Variants in CASK observed in about 807,000 individuals in gnomAD.
CASK encodes calcium/calmodulin dependent serine protein kinase.
A neutral mutation model predicts 82.9 loss-of-function variants in CASK; 4 were observed. That is an observed-to-expected ratio of 0.05 (90% CI 0.02 to 0.11). The LOEUF is 0.11. Among genes scored for constraint, CASK ranks in the 10% least tolerant of loss-of-function variants. CASK has a pLI of 1.00. For synonymous variants in CASK, 259 were observed against 253.5 expected, an observed-to-expected ratio of 1.02 and a Z score of -0.20; for missense variants, 358 against 720.9, an observed-to-expected ratio of 0.50 and a Z score of 5.76.
At chrX:41,637,541 G>T (rs1349046971) in intron 8 of CASK, among the ~76,000 whole-genome samples, 2 of 103,790 alleles carry the variant, frequency 1.9e-5, no homozygotes, top group Non-Finnish European at 4.0e-5. Flanking sequence ...GATTGTTGGA[G>T]CCTGGGAGGT....
intron 5 of CASK, among the ~76,000 whole-genome samples, chrX:41,692,656 T>A (rs1009892693): frequency 8.9e-6 from 1 of 112,495 alleles, no homozygotes. Flanking sequence ...CTTGCTTCTT[T>A]GACATGATTT....
intron 1 of CASK, among the ~76,000 whole-genome samples, chrX:41,890,218 G>A (rs1429964945): frequency 4.3e-5 from 1 of 23,324 alleles, no homozygotes; most frequent in African/African-American, 2.8e-4. Context: ...ATGTGCATGC[G>A]TGTGTGTGTG....
At chrX:41,704,913 C>T (rs1391573815) in intron 5 of CASK, among the ~76,000 whole-genome samples, 2 of 111,372 alleles carry the variant, frequency 1.8e-5, no homozygotes, top group Non-Finnish European at 3.8e-5. Context: ...GTTAGGAGGA[C>T]TCAATGAGTA....
At chrX:41,872,167 GC>G (rs1197802028) in intron 1 of CASK, among the ~76,000 whole-genome samples, 1 of 112,720 alleles carries the variant, frequency 8.9e-6, no homozygotes, top group Non-Finnish European at 1.9e-5. Flanking sequence ...AAACGGTATG[GC>G]CTGCAAAGAT....
chrX:41,671,183 T>C (rs1393773090), intron 6 of CASK, among the ~76,000 whole-genome samples: 2 of 112,319 alleles, frequency 1.8e-5, no homozygotes, highest in African/African-American at 3.2e-5. Flanking sequence ...TGTTTTAATC[T>C]TGTACAGTCT....
At chrX:41,710,081 T>TTGTGTGTGTGTG (rs57963407) in intron 5 of CASK, among the ~76,000 whole-genome samples, 3,877 of 72,076 alleles carry the variant, frequency 0.054, 147 homozygotes, top group Non-Finnish European at 0.061. Context: ...GGTATAGATT[T>TTGTGTGTGTGTG]TGTGTGTGTG....
intron 16 of CASK, among the ~76,000 whole-genome samples, chrX:41,567,923 G>A (rs2065344299): frequency 9.0e-6 from 1 of 110,830 alleles, no homozygotes; most frequent in South Asian, 3.9e-4. Context: ...AAAAGGATGA[G>A]TTCATGTCCT....
chrX:41,921,995 G>A (rs2072791376), intron 1 of CASK, among the ~76,000 whole-genome samples: 1 of 110,690 alleles, frequency 9.0e-6, no homozygotes, highest in Admixed American at 9.6e-5. Context: ...TACACGCTGT[G>A]TTAGGAAATC....
At chrX:41,860,925 T>C (rs1293854458) in intron 1 of CASK, among the ~76,000 whole-genome samples, 2 of 112,351 alleles carry the variant, frequency 1.8e-5, no homozygotes, top group Non-Finnish European at 3.8e-5. Flanking sequence ...GAGGTTTATT[T>C]GAAACAGCTA....
intron 14 of CASK, chrX:41,585,193 C>T (rs1429136003): frequency 3.5e-5 from 4 of 112,714 alleles, no homozygotes; most frequent in East Asian, 2.8e-4. Flanking sequence ...GAGATTTGAA[C>T]GAAGTTCTGT....
At chrX:41,882,573 G>A (rs1199099445) in intron 1 of CASK, among the ~76,000 whole-genome samples, 3 of 111,698 alleles carry the variant, frequency 2.7e-5, no homozygotes, top group Admixed American at 1.9e-4. Flanking sequence ...TTCATTTAGA[G>A]GAGAAAATGA....
intron 3 of CASK, among the ~76,000 whole-genome samples, chrX:41,763,431 G>A (rs1269233961): frequency 9.0e-6 from 1 of 111,296 alleles, no homozygotes; most frequent in Non-Finnish European, 1.9e-5. Context: ...GGAGGCGGAG[G>A]TGGGTGGATC....
At chrX:41,779,364 C>G (rs1017531962) in intron 3 of CASK, among the ~76,000 whole-genome samples, 2 of 112,007 alleles carry the variant, frequency 1.8e-5, no homozygotes, top group Non-Finnish European at 3.8e-5. Context: ...TGCCTGGTTT[C>G]CCCTGGACTT....
intron 26 of CASK, among the ~76,000 whole-genome samples, chrX:41,520,814 A>G (rs889415974): frequency 8.9e-6 from 1 of 112,145 alleles, no homozygotes; most frequent in East Asian, 2.8e-4. Context: ...CAGAGGGTCC[A>G]TGACAAAGCA....
rs187679988 is a variant in CASK at position 41,658,606 on chromosome X, G to A, written c.831+1833C>T. On this transcript the variant is annotated intron_variant, in intron 8 of 26. Transcript: ENST00000378163. ...GAAAAAGAGGAGGAGCAAGGATGGAGGCCTATGGCATTCCAGTGTGAAGAG... is the reference window on the plus strand; with the variant it reads ...GAAAAAGAGGAGGAGCAAGGATGGAAGCCTATGGCATTCCAGTGTGAAGAG... Among the ~76,000 whole-genome samples, 6 of 111,753 alleles carry A rather than the reference G, an allele frequency of 5.4e-5. No homozygotes were observed. In the East Asian group the frequency reaches 1.7e-3, roughly 31 times the overall value.
At chrX:41,874,905 CT>C (rs1434844959) in intron 1 of CASK, among the ~76,000 whole-genome samples, 1 of 112,621 alleles carries the variant, frequency 8.9e-6, no homozygotes, top group East Asian at 2.8e-4. Context: ...TCAAGATACT[CT>C]TAGCTCTGCA....
At chrX:41,916,310 C>T (rs2072685902) in intron 1 of CASK, among the ~76,000 whole-genome samples, 1 of 112,363 alleles carries the variant, frequency 8.9e-6, no homozygotes, top group African/African-American at 3.2e-5. Flanking sequence ...TCAAAACAAA[C>T]TAGCTTCGGA....
intron 5 of CASK, among the ~76,000 whole-genome samples, chrX:41,675,489 G>A (rs1218973775): frequency 8.9e-6 from 1 of 111,965 alleles, no homozygotes; most frequent in Non-Finnish European, 1.9e-5. Flanking sequence ...TGTACCAAAA[G>A]TACTATGCCA....
chrX:41,755,735 T>A (rs1400836451), intron 3 of CASK, among the ~76,000 whole-genome samples: 2 of 112,169 alleles, frequency 1.8e-5, no homozygotes, highest in African/African-American at 6.5e-5. Context: ...TAATCTAAGT[T>A]AAAATTAGAA....
Sources: gnomAD v4.1 joint callset for allele counts (sites outside exome capture counted in the v4.1 genomes callset) on GRCh38, gnomAD v4.1.1 for gene constraint, MANE v1.5 for transcripts, NCBI Gene and HGNC (gene_info 2026-07-23, HGNC 2026-07-21) for gene names.